The following MUSK variants were observed in gnomAD, a reference collection of about 807,000 sequenced individuals.
MUSK encodes muscle, skeletal receptor tyrosine-protein kinase.
A neutral mutation model predicts 88.7 loss-of-function variants in MUSK; 55 were observed. That is an observed-to-expected ratio of 0.62 (90% confidence interval 0.50 to 0.78). The LOEUF is 0.78. Among genes scored for constraint, MUSK ranks in the 30% least tolerant of loss-of-function variants. The pLI is 0.00. For missense variants in MUSK, 1,015 were observed against 1,074.3 expected (o/e 0.94, Z 0.77); for synonymous variants, 387 against 391.9 (o/e 0.99, Z 0.15).
chr9:110,669,105 G>T (rs2075924902), intron 1 of MUSK, 122 bp downstream of exon 1: 1 of 879,148 alleles, frequency 1.1e-6, no homozygotes, highest in African/African-American at 1.6e-5. Context: ...AGAAGTAAGG[G>T]TGAAATGTAT....
At chr9:110,763,630 T>G (rs1009415612) in intron 8 of MUSK, among the ~76,000 whole-genome samples, 1 of 152,162 alleles carries the variant, frequency 6.6e-6, no homozygotes, top group Admixed American at 6.6e-5. Flanking sequence ...CAAGGAGAGA[T>G]AAGGCAGTTG....
At position 110,764,811 on chromosome 9, in the gene MUSK, G is replaced by C. The variant is rs531248143; in HGVS notation, c.920+2603G>C. On this transcript the variant is annotated intron_variant, in intron 8 of 14. Transcript: ENST00000374448. ...GTATGTTTTTTCCCAGCACATAAAGGGTTTGTATAAGCTAGTGGTCATCAA... is the reference window on the plus strand; with the variant it reads ...GTATGTTTTTTCCCAGCACATAAAGCGTTTGTATAAGCTAGTGGTCATCAA... 2.6e-3 allele frequency among the ~76,000 whole-genome samples: 389 copies of C among 152,116 alleles called. 3 individuals are homozygous for C. Among genetic ancestry groups the C allele is most frequent in the Non-Finnish European group, 2.4e-3 (161 of 67,984 alleles).
intron 5 of MUSK, among the ~76,000 whole-genome samples, chr9:110,728,053 C>T (rs2076910474): frequency 6.6e-6 from 1 of 152,092 alleles, no homozygotes; most frequent in Non-Finnish European, 1.5e-5. Flanking sequence ...TCTATTCAAT[C>T]TAAACATTTT....
intron 7 of MUSK, among the ~76,000 whole-genome samples, chr9:110,752,319 T>C (rs548022556): frequency 9.8e-5 from 15 of 152,306 alleles, no homozygotes; most frequent in African/African-American, 3.4e-4. Flanking sequence ...ATGAGGCTAC[T>C]TCGATGAAAA....
At chr9:110,714,934 TAA>T in intron 5 of MUSK, among the ~76,000 whole-genome samples, 2 of 150,946 alleles carry the variant, frequency 1.3e-5, no homozygotes, top group African/African-American at 5.0e-5. Context: ...ATCTATGTTT[TAA>T]TAACAGGGTC....
At chr9:110,675,006 A>G (rs910327112) in intron 1 of MUSK, among the ~76,000 whole-genome samples, 2 of 152,170 alleles carry the variant, frequency 1.3e-5, no homozygotes, top group Non-Finnish European at 2.9e-5. Context: ...TAAATTATAG[A>G]ATCAAGTAAC....
chr9:110,754,620 T>C (rs2077289609), intron 7 of MUSK, among the ~76,000 whole-genome samples: 1 of 152,212 alleles, frequency 6.6e-6, no homozygotes, highest in Non-Finnish European at 1.5e-5. Context: ...AAATGAGGGC[T>C]CTATCATTTA....
chr9:110,756,841 G>T (rs183792300), intron 7 of MUSK, among the ~76,000 whole-genome samples: 1 of 150,140 alleles, frequency 6.7e-6, no homozygotes, highest in East Asian at 1.9e-4. Flanking sequence ...ATGTCAAGTT[G>T]TATGTGTGTG....
rs1009622923 is a variant in MUSK at position 110,752,989 on chromosome 9, G to A, written c.913+5189G>A. On this transcript the variant is annotated intron_variant, in intron 7 of 14. Coordinates refer to ENST00000374448, the MANE Select transcript of MUSK (RefSeq NM_005592.4). ...AAGCCTCAAGTTGCAAAGTAAACTTGCCAGGATGCTGGGCATTTGGCAAGA... is the reference window on the plus strand; with the variant it reads ...AAGCCTCAAGTTGCAAAGTAAACTTACCAGGATGCTGGGCATTTGGCAAGA... 3.9e-5 allele frequency among the ~76,000 whole-genome samples: 6 copies of A among 152,246 alleles called. No homozygotes were observed. In the East Asian group the frequency reaches 9.6e-4, roughly 24 times the overall value.
chr9:110,804,353 T>TA lies in MUSK; in HGVS notation c.*3366dup, dbSNP rs141733170. Among the ~76,000 whole-genome samples the TA allele has an allele frequency of 7.9e-3, 1,210 of 152,266 alleles. 12 individuals carry two copies. The highest frequency in any genetic ancestry group is 0.017 in the Middle Eastern group (5 of 294). Reference sequence around the variant, plus strand: ...TATGTGGTTTCATATTCTGCAGAAATATTACTGCCACTTCTACATTGTACA... The same window carrying TA: ...TATGTGGTTTCATATTCTGCAGAAATAATTACTGCCACTTCTACATTGTACA... On this transcript the variant is annotated 3_prime_UTR_variant, in exon 15 of 15. Transcript: ENST00000374448.
At chr9:110,797,640 G>A (rs371145629) in intron 14 of MUSK, among the ~76,000 whole-genome samples, 2 of 152,084 alleles carry the variant, frequency 1.3e-5, no homozygotes, top group Non-Finnish European at 2.9e-5. Flanking sequence ...ATGAATAAAC[G>A]ATATTAAGTA....
chr9:110,771,485 T>C lies in MUSK; in HGVS notation c.1184+3402T>C, dbSNP rs77263761. 9.2e-5 allele frequency among the ~76,000 whole-genome samples: 14 copies of C among 152,256 alleles called. No homozygotes were observed. In the East Asian group the frequency reaches 2.7e-3, roughly 29 times the overall value. On this transcript the variant is annotated intron_variant, in intron 9 of 14. Transcript: ENST00000374448. The stretch of plus-strand genomic sequence containing the variant: ...TAGTTTTGCTTGTTCCTGAATCTCA[T>C]ACTCATGAAATTGTATAATATATAC...
rs55647455 is a variant in MUSK at position 110,764,639 on chromosome 9, G to GATAGATAGA, written c.920+2431_920+2432insATAGATAGA. On this transcript the variant is annotated intron_variant, in intron 8 of 14. Transcript: ENST00000374448. ...GATAGATAGATAGATAGATAGATAG[G>GATAGATAGA]TAGGTAGATCATCGGTCTTGTGTGT... 8.9e-3 allele frequency among the ~76,000 whole-genome samples: 1,295 copies of GATAGATAGA among 145,262 alleles called. 5 individuals are homozygous for GATAGATAGA. The highest frequency in any genetic ancestry group is 0.013 in the Non-Finnish European group (844 of 66,370).
intron 3 of MUSK, among the ~76,000 whole-genome samples, chr9:110,688,508 T>C (rs1321656713): frequency 1.3e-5 from 2 of 152,130 alleles, no homozygotes; most frequent in Non-Finnish European, 2.9e-5. Flanking sequence ...AATGTGCAGT[T>C]GTTTTACATA....
chr9:110,692,774 T>C (rs780886644), intron 3 of MUSK, among the ~76,000 whole-genome samples: 2 of 152,144 alleles, frequency 1.3e-5, no homozygotes, highest in Non-Finnish European at 2.9e-5. Flanking sequence ...AATATTCACT[T>C]AAGCTTCTAA....
At chr9:110,745,968 C>A (rs1197429950) in intron 6 of MUSK, among the ~76,000 whole-genome samples, 1 of 152,228 alleles carries the variant, frequency 6.6e-6, no homozygotes, top group Non-Finnish European at 1.5e-5. Context: ...GGCCTTACCT[C>A]AGAGCTTTCT....
chr9:110,675,680 C>T (rs1416246292), intron 1 of MUSK, among the ~76,000 whole-genome samples: 1 of 148,286 alleles, frequency 6.7e-6, no homozygotes, highest in African/African-American at 2.5e-5. Context: ...AGTGATTCTC[C>T]TGCCTCAGCC....
At position 110,671,987 on chromosome 9, in the gene MUSK, T is replaced by C. The variant is rs551008423; in HGVS notation, c.79+3004T>C. 3.3e-5 allele frequency among the ~76,000 whole-genome samples: 5 copies of C among 152,324 alleles called. No homozygotes were observed. In the South Asian group the frequency reaches 6.2e-4, roughly 19 times the overall value. On this transcript the variant is annotated intron_variant, in intron 1 of 14. Transcript: ENST00000374448. ...GAATAACCTCCTCTTTTAAATTGTA[T>C]GTATATAAGGATAGGATTCACAGAT... is the stretch of plus-strand genomic sequence containing the variant.
intron 7 of MUSK, among the ~76,000 whole-genome samples, chr9:110,761,145 G>C (rs1044715348): frequency 6.6e-6 from 1 of 152,200 alleles, no homozygotes; most frequent in African/African-American, 2.4e-5. Flanking sequence ...ATTCAGAAAT[G>C]CTGGTTATAT....
Sources: allele counts gnomAD v4.1 joint callset (sites outside exome capture counted in the v4.1 genomes callset), GRCh38; gene constraint gnomAD v4.1.1; transcripts MANE v1.5; gene names NCBI Gene and HGNC (gene_info 2026-07-23, HGNC 2026-07-21).